The following MYCBP2 variants were observed in gnomAD, a reference collection of about 807,000 sequenced individuals.
The protein encoded by MYCBP2 is MYC binding protein 2, also known as E3 ubiquitin-protein ligase MYCBP2.
A neutral mutation model predicts 525.3 loss-of-function variants in MYCBP2; 120 were observed. The ratio of observed to expected loss-of-function variants is 0.23; its 90% CI spans 0.20 to 0.27. The LOEUF is 0.27. MYCBP2 is among the 10% of genes least tolerant of loss of function. The pLI, the probability that MYCBP2 is intolerant of heterozygous loss-of-function variation, is 1.00. For synonymous variants in MYCBP2, 1,894 were observed against 1,955.8 expected (o/e 0.97, Z 0.83); for missense variants, 4,149 against 5,657.1 (o/e 0.73, Z 8.55).
chr13:77,154,322 T>TCA (rs1333119790), intron 46 of MYCBP2, among the ~76,000 whole-genome samples: 1 of 147,048 alleles, frequency 6.8e-6, no homozygotes, highest in Non-Finnish European at 1.5e-5. Flanking sequence ...GGAAAGATAG[T>TCA]AGGAGAAGCA....
intron 1 of MYCBP2, among the ~76,000 whole-genome samples, chr13:77,323,996 CTG>C (rs1362714617): frequency 6.6e-6 from 1 of 152,160 alleles, no homozygotes; most frequent in Non-Finnish European, 1.5e-5. Context: ...CTTCTTCACT[CTG>C]TCTCTCCATT....
chr13:77,276,817 T>A (rs976473434), intron 4 of MYCBP2, among the ~76,000 whole-genome samples: 16 of 2,518 alleles, frequency 6.4e-3, no homozygotes, highest in Admixed American at 0.021. Context: ...CCATGCCCAG[T>A]TTTTTTTTTT....
intron 42 of MYCBP2, among the ~76,000 whole-genome samples, chr13:77,164,990 A>G (rs1256590930): frequency 6.6e-6 from 1 of 152,170 alleles, no homozygotes; most frequent in Non-Finnish European, 1.5e-5. Context: ...CACTGCACAT[A>G]AACTACAAAA....
chr13:77,251,206 T>C lies in MYCBP2; in HGVS notation c.2326A>G (p.Thr776Ala), dbSNP rs1315792448. 1 of 1,614,202 alleles carries C rather than the reference T, an allele frequency of 6.2e-7. No individual in the cohort carries two copies. Reference protein sequence around the residue: ...CMVCTVCGDCTGYGASCVSSG... With the variant: ...CMVCTVCGDCAGYGASCVSSG... Reference sequence around the variant, plus strand: ...CTGACACAGCTGGCTCCATAACCTGTACAGTCTCCACAGACAGTGCAAACC... The same window carrying C: ...CTGACACAGCTGGCTCCATAACCTGCACAGTCTCCACAGACAGTGCAAACC... Residue 776 changes from threonine to alanine, a missense_variant, in exon 15 of 83, where the codon ACA becomes GCA. Physicochemically the swap from Thr to Ala is moderately conservative, Grantham distance 58. Coordinates refer to ENST00000544440, the MANE Select transcript of MYCBP2 (RefSeq NM_015057.5).
chr13:77,082,099 G>T, intron 63 of MYCBP2, 106 bp from the exon 64 acceptor site: 1 of 972,194 alleles, frequency 1.0e-6, no homozygotes, highest in Middle Eastern at 2.5e-4. Flanking sequence ...AAATTTTAAT[G>T]TTCTAGTAAC....
chr13:77,255,419 T>A (rs990138082), intron 14 of MYCBP2, among the ~76,000 whole-genome samples: 2 of 151,966 alleles, frequency 1.3e-5, no homozygotes, highest in African/African-American at 2.4e-5. Flanking sequence ...AAAATGTCAC[T>A]GAAGAATCTA....
At chr13:77,056,962 C>T in intron 79 of MYCBP2, 24 bp downstream of exon 79, 5 of 1,504,650 alleles carry the variant, frequency 3.3e-6, no homozygotes, top group Non-Finnish European at 4.6e-6. Flanking sequence ...AAAGAAAGTA[C>T]ATGATTTCAG....
chr13:77,066,154 G>A, intron 71 of MYCBP2, 66 bp from the exon 72 acceptor site: 1 of 1,118,928 alleles, frequency 8.9e-7, no homozygotes, highest in South Asian at 1.3e-5. Context: ...TGAAAAAGAT[G>A]AAAATGTTAT....
intron 1 of MYCBP2, among the ~76,000 whole-genome samples, chr13:77,315,700 G>C (rs911282470): frequency 2.0e-5 from 3 of 152,028 alleles, no homozygotes; most frequent in African/African-American, 7.2e-5. Context: ...TTCAAGACCA[G>C]AGTGGCCAAC....
At chr13:77,105,213 C>T (rs2047668359) in intron 55 of MYCBP2, among the ~76,000 whole-genome samples, 2 of 152,090 alleles carry the variant, frequency 1.3e-5, no homozygotes, top group South Asian at 4.1e-4. Flanking sequence ...CAGAAGAATA[C>T]CATCTTAATT....
chr13:77,093,162 T>C lies in MYCBP2; in HGVS notation c.10367+3A>G. 6.2e-7 allele frequency: 1 copy of C among 1,605,466 alleles called. No homozygotes were observed. The highest frequency in any genetic ancestry group is 8.5e-7 in the Non-Finnish European group (1 of 1,176,662). On this transcript the variant is annotated splice_donor_region_variant and intron_variant, in intron 59 of 82. Coordinates refer to ENST00000544440, the MANE Select transcript of MYCBP2 (RefSeq NM_015057.5). ...TTCAACAGACAGGAGAGAACTAAAATACCTTGGTGGCATAGACTTCATATT... is the reference window on the plus strand; with the variant it reads ...TTCAACAGACAGGAGAGAACTAAAACACCTTGGTGGCATAGACTTCATATT...
chr13:77,062,278 T>C (rs1005933299), intron 74 of MYCBP2, among the ~76,000 whole-genome samples: 1 of 152,200 alleles, frequency 6.6e-6, no homozygotes. Context: ...TAAGACTGAT[T>C]ACATTTTAGT....
In MYCBP2 at chr13:77,048,462, C is replaced by T. The variant is rs556176750; in HGVS notation, c.13921+2535G>A. On this transcript the variant is annotated intron_variant, in intron 82 of 82. Transcript: ENST00000544440. ...GAGAGTGGTTAGAGAATTGCTTCTT[C>T]TGTCCTTCTAAGTAAACTGTATATG... 3.9e-5 allele frequency among the ~76,000 whole-genome samples: 6 copies of T among 152,296 alleles called. No homozygotes were observed. The East Asian group carries it at 1.2e-3, about 29-fold the overall frequency.
At chr13:77,244,279 G>A (rs1263481407) in intron 15 of MYCBP2, among the ~76,000 whole-genome samples, 1 of 152,172 alleles carries the variant, frequency 6.6e-6, no homozygotes. Flanking sequence ...AGAAGCTTTA[G>A]GATTAAGTGA....
chr13:77,276,968 GT>G (rs1415559759), intron 4 of MYCBP2, among the ~76,000 whole-genome samples: 1 of 151,714 alleles, frequency 6.6e-6, no homozygotes, highest in Non-Finnish European at 1.5e-5. Context: ...TAATGTGAAA[GT>G]TTTGATGGAA....
At chr13:77,180,395 T>C (rs1313357797) in intron 33 of MYCBP2, 77 bp from the exon 34 acceptor site, 3 of 1,219,834 alleles carry the variant, frequency 2.5e-6, no homozygotes, top group Non-Finnish European at 3.5e-6. Context: ...AAACCTTGTC[T>C]TTCTGATACT....
intron 1 of MYCBP2, among the ~76,000 whole-genome samples, chr13:77,324,648 C>A (rs2082080551): frequency 6.6e-6 from 1 of 152,128 alleles, no homozygotes; most frequent in South Asian, 2.1e-4. Context: ...TTCTTCATTA[C>A]TTTTCATTGA....
intron 1 of MYCBP2, among the ~76,000 whole-genome samples, chr13:77,322,604 T>C (rs1318650597): frequency 6.6e-6 from 1 of 152,240 alleles, no homozygotes; most frequent in Non-Finnish European, 1.5e-5. Context: ...CATGGGCACT[T>C]ACCAGGTGCG....
chr13:77,264,862 T>TA (rs2073852903), intron 8 of MYCBP2, among the ~76,000 whole-genome samples: 1 of 149,788 alleles, frequency 6.7e-6, no homozygotes, highest in Non-Finnish European at 1.5e-5. Context: ...GCAAGCAAGT[T>TA]AAAAGCACAC....
Sources: allele counts gnomAD v4.1 joint callset (sites outside exome capture counted in the v4.1 genomes callset), GRCh38; gene constraint gnomAD v4.1.1; transcripts MANE v1.5; gene names NCBI Gene and HGNC (gene_info 2026-07-23, HGNC 2026-07-21).